RNF169: variants seen among roughly 807,000 people sequenced by gnomAD.
RNF169 encodes the protein E3 ubiquitin-protein ligase RNF169.
Under a neutral mutation model 53.9 loss-of-function variants are expected in RNF169, and 24 were observed. The observed-to-expected ratio is 0.45, with a 90% confidence interval of 0.32 to 0.63. RNF169 has a LOEUF of 0.63. Ranked by LOEUF, RNF169 falls within the 20% of genes least tolerant of loss-of-function variation. The pLI, the probability that RNF169 is intolerant of heterozygous loss-of-function variation, is 0.04. For missense variants in RNF169, 883 were observed against 906.2 expected, an observed-to-expected ratio of 0.97 and a Z score of 0.33; for synonymous variants, 396 against 363.5, an observed-to-expected ratio of 1.09 and a Z score of -1.02.
At chr11:74,822,635 C>T (rs2036029858) in intron 4 of RNF169, among the ~76,000 whole-genome samples, 1 of 152,160 alleles carries the variant, frequency 6.6e-6, no homozygotes, top group Non-Finnish European at 1.5e-5. Context: ...TTCACTTCAG[C>T]TGTGTGAACT....
intron 1 of RNF169, among the ~76,000 whole-genome samples, chr11:74,752,228 TAAAAAAAAAAAAAAAAAAAAAAAAG>T (rs1391396794): frequency 3.8e-5 from 3 of 78,742 alleles, no homozygotes; most frequent in African/African-American, 9.9e-5. Flanking sequence ...GAGACTGTCT[TAAAAAAAAAAAAAAAAAAAAAAAAG>T]GGAAAAAAAA....
chr11:74,765,820 C>T (rs949639085), intron 1 of RNF169, among the ~76,000 whole-genome samples: 3 of 141,420 alleles, frequency 2.1e-5, no homozygotes, highest in Admixed American at 1.4e-4. Context: ...AAAAAAAAAA[C>T]AAAAACAAAA....
rs911320726 is a variant in RNF169, at chr11:74,840,347, C to G, written c.*3617C>G. 3.9e-5 allele frequency: 6 copies of G among 152,192 alleles called. No individual in the cohort carries two copies. Among genetic ancestry groups the G allele is most frequent in the African/African-American group, 1.4e-4 (6 of 41,450 alleles). The allele number at this position is 152,192 out of a possible 1,614,324, so 9.4% of individuals were successfully genotyped here. ...GTCCCATTTAGAAAACTGACCAGCACCCAGCAAGCTGCATTCTACATTTTA... is the reference window on the plus strand; with the variant it reads ...GTCCCATTTAGAAAACTGACCAGCAGCCAGCAAGCTGCATTCTACATTTTA... On this transcript the variant is annotated 3_prime_UTR_variant, in exon 6 of 6. Coordinates refer to ENST00000299563, the MANE Select transcript of RNF169 (RefSeq NM_001098638.2).
intron 4 of RNF169, chr11:74,831,435 G>A (rs542232528): frequency 1.6e-4 from 24 of 152,112 alleles, no homozygotes; most frequent in African/African-American, 4.6e-4. Context: ...AAATTTAACC[G>A]CAGTAGTGCA....
intron 2 of RNF169, among the ~76,000 whole-genome samples, chr11:74,796,095 T>C (rs1237101323): frequency 2.6e-5 from 4 of 152,256 alleles, no homozygotes; most frequent in African/African-American, 9.6e-5. Flanking sequence ...AATCGACCAT[T>C]TGTATGTTTT....
intron 4 of RNF169, among the ~76,000 whole-genome samples, chr11:74,834,049 A>G (rs1463408696): frequency 1.3e-5 from 2 of 152,240 alleles, no homozygotes; most frequent in African/African-American, 4.8e-5. Flanking sequence ...ACTATGCTAT[A>G]GTGTAGTGGA....
In RNF169 at chr11:74,836,305, A is replaced by G. The variant is rs755103701; in HGVS notation, c.1702A>G (p.Met568Val). 1 of 1,614,218 alleles carries G rather than the reference A, an allele frequency of 6.2e-7. No individual in the cohort carries two copies. The highest frequency in any genetic ancestry group is 2.2e-5 in the East Asian group (1 of 44,886). The change falls in exon 6 of 6, where the codon ATG (methionine) becomes GTG (valine). Residue 568 changes from methionine to valine, a missense_variant. This residue lies in a region of RNF169 where 351 missense variants were observed against 337.3 expected (regional missense o/e 1.04). Coordinates refer to ENST00000299563, the MANE Select transcript of RNF169 (RefSeq NM_001098638.2). ...AGACAAAACCTGTATAAGCAGAGCC[A>G]TGAAAATCACCACAGTTAATTCAGT... is the stretch of plus-strand genomic sequence containing the variant. ...KLDKTCISRA[M>V]KITTVNSVLP...
At chr11:74,820,642 G>C (rs1565185392) in intron 4 of RNF169, among the ~76,000 whole-genome samples, 1 of 151,982 alleles carries the variant, frequency 6.6e-6, no homozygotes, top group African/African-American at 2.4e-5. Context: ...TTCAGGAATT[G>C]GAACAAGTCA....
At chr11:74,787,399 A>G (rs1385217528) in intron 1 of RNF169, among the ~76,000 whole-genome samples, 1 of 152,232 alleles carries the variant, frequency 6.6e-6, no homozygotes, top group African/African-American at 2.4e-5. Flanking sequence ...TCTTAACCAT[A>G]TAAAAACACT....
chr11:74,750,720 C>T (rs1356326966), intron 1 of RNF169, among the ~76,000 whole-genome samples: 5 of 150,896 alleles, frequency 3.3e-5, no homozygotes, highest in African/African-American at 1.2e-4. Context: ...ATTCTCCTGC[C>T]GCAGCCTCCC....
At chr11:74,769,023 C>G (rs1456910102) in intron 1 of RNF169, among the ~76,000 whole-genome samples, 1 of 151,890 alleles carries the variant, frequency 6.6e-6, no homozygotes, top group Non-Finnish European at 1.5e-5. Flanking sequence ...GAAGCGAGAC[C>G]CTGCCTCAAA....
rs530307469 is a variant in RNF169 at position 74,778,131 on chromosome 11, G to A, written c.503-11495G>A. Among the ~76,000 whole-genome samples, 12 of 152,192 alleles carry A rather than the reference G, an allele frequency of 7.9e-5. No homozygotes were observed. The South Asian group carries it at 1.0e-3, about 13-fold the overall frequency. On this transcript the variant is annotated intron_variant, in intron 1 of 5. Coordinates refer to ENST00000299563, the MANE Select transcript of RNF169 (RefSeq NM_001098638.2). ...ATTCTGTGACATTGCATCTGTCATC[G>A]TCTCCCTAGTTATTTAAAACTATTT...
chr11:74,753,028 G>A (rs1342687042), intron 1 of RNF169, among the ~76,000 whole-genome samples: 3 of 152,112 alleles, frequency 2.0e-5, no homozygotes, highest in Non-Finnish European at 4.4e-5. Context: ...GAGTGCAATG[G>A]CATGATCTCG....
At chr11:74,781,289 G>A (rs1230275520) in intron 1 of RNF169, among the ~76,000 whole-genome samples, 2 of 152,198 alleles carry the variant, frequency 1.3e-5, no homozygotes, top group Non-Finnish European at 2.9e-5. Context: ...CATTCTAACT[G>A]CCTATCAGAG....
rs2135073301 is a variant in RNF169, at chr11:74,785,233, A to ATATATATGTTATATATAT, written c.503-4377_503-4376insATTATATATGTTATATAT. ...ATGATATATATATGTTATATATATT[A>ATATATATGTTATATATAT]TATATATGTTATATATGTTAGATAT... On this transcript the variant is annotated intron_variant, in intron 1 of 5. Transcript: ENST00000299563. Among the ~76,000 whole-genome samples, 3 of 100,742 alleles carry ATATATATGTTATATATAT rather than the reference A, an allele frequency of 3.0e-5. No homozygotes were observed. The South Asian group carries it at 8.9e-4, about 30-fold the overall frequency. The allele number at this position is 100,742 out of a possible 152,430, so 66.1% of individuals were successfully genotyped here. A position where few individuals can be genotyped will look rare whatever the true frequency, so the allele number is the denominator to read the frequency against.
At chr11:74,788,517 C>T (rs767922944) in intron 1 of RNF169, among the ~76,000 whole-genome samples, 7 of 152,040 alleles carry the variant, frequency 4.6e-5, no homozygotes, top group Non-Finnish European at 5.9e-5. Context: ...CTCAGCCTCT[C>T]GGGTAGCTGG....
intron 2 of RNF169, 90 bp from the exon 3 acceptor site, chr11:74,810,094 T>A: frequency 1.8e-6 from 2 of 1,137,902 alleles, no homozygotes; most frequent in Admixed American, 2.3e-5. Context: ...TGCCATGTGA[T>A]CTGTTTGTTC....
rs980659510 is a variant in RNF169 at position 74,839,808 on chromosome 11, T to C, written c.*3078T>C. 5 of 152,176 alleles carry C rather than the reference T, an allele frequency of 3.3e-5. No individual in the cohort carries two copies. The South Asian group carries it at 6.2e-4, about 19-fold the overall frequency. 9.4% of individuals were successfully genotyped at this position (152,176 alleles called of 1,614,324 possible). ...TGCTGGAAGAAGTCATCTGGGCCTG[T>C]TGGGTTGGTATCAGATCAGGGGATT... On this transcript the variant is annotated 3_prime_UTR_variant, in exon 6 of 6. Transcript: ENST00000299563.
chr11:74,818,627 C>T (rs373209238), intron 4 of RNF169, among the ~76,000 whole-genome samples: 1 of 152,148 alleles, frequency 6.6e-6, no homozygotes, highest in East Asian at 1.9e-4. Flanking sequence ...CTCCTGGGCT[C>T]AAGCAGTCCT....
Sources: allele counts gnomAD v4.1 joint callset (sites outside exome capture counted in the v4.1 genomes callset), GRCh38; gene constraint gnomAD v4.1.1; regional missense constraint gnomAD v4.1.1; transcripts MANE v1.5; gene names NCBI Gene and HGNC (gene_info 2026-07-23, HGNC 2026-07-21).